The following GRM7 variants were observed in gnomAD, a reference collection of about 807,000 sequenced individuals.
GRM7 encodes glutamate metabotropic receptor 7.
GRM7 carries 35 observed loss-of-function variants against 84.5 expected under a neutral mutation model. The ratio of observed to expected loss-of-function variants is 0.41; its 90% CI spans 0.32 to 0.55. The LOEUF is 0.55. GRM7 is among the 20% of genes least tolerant of loss of function. GRM7 has a pLI of 0.19. For synonymous variants in GRM7, 487 were observed against 455.1 expected (o/e 1.07, Z -0.89); for missense variants, 1,003 against 1,194.6 (o/e 0.84, Z 2.36).
At chr3:7,003,027 G>A (rs369417027) in intron 1 of GRM7, among the ~76,000 whole-genome samples, 1 of 152,132 alleles carries the variant, frequency 6.6e-6, no homozygotes, top group South Asian at 2.1e-4. Context: ...ATATGTTGAA[G>A]CTGAAAAAAG....
chr3:7,315,515 G>C (rs1190125036), intron 4 of GRM7, among the ~76,000 whole-genome samples: 1 of 152,150 alleles, frequency 6.6e-6, no homozygotes, highest in Non-Finnish European at 1.5e-5. Flanking sequence ...ACCCTGAGAA[G>C]TTCTGAGTTA....
In GRM7 at chr3:7,272,990, A is replaced by G. The variant is rs114176503; in HGVS notation, c.737-25694A>G. Reference sequence around the variant, plus strand: ...TTAATACATGCATTAAATGCTGTTAACGTTCCTCTATGGACTGTGTTAGCT... The same window carrying G: ...TTAATACATGCATTAAATGCTGTTAGCGTTCCTCTATGGACTGTGTTAGCT... On this transcript the variant is annotated intron_variant, in intron 2 of 9. Coordinates refer to ENST00000357716, the MANE Select transcript of GRM7 (RefSeq NM_000844.4). 3.7e-3 allele frequency among the ~76,000 whole-genome samples: 561 copies of G among 152,120 alleles called. 4 individuals carry two copies. The highest frequency in any genetic ancestry group is 0.013 in the African/African-American group (547 of 41,504).
chr3:6,909,319 T>C (rs575977651), intron 1 of GRM7, among the ~76,000 whole-genome samples: 1 of 152,282 alleles, frequency 6.6e-6, no homozygotes, highest in South Asian at 2.1e-4. Context: ...ACTGTCCAAC[T>C]CTTTGAAGAT....
chr3:7,415,232 AC>A, intron 5 of GRM7, 69 bp downstream of exon 5: 1 of 1,311,830 alleles, frequency 7.6e-7, no homozygotes, highest in South Asian at 1.3e-5. Context: ...TGCATAGCTG[AC>A]AGAAGGAAGC....
At chr3:7,066,559 A>G (rs1026879013) in intron 1 of GRM7, among the ~76,000 whole-genome samples, 2 of 151,998 alleles carry the variant, frequency 1.3e-5, no homozygotes. Context: ...AAAAAAGTCC[A>G]GGACCAGATG....
chr3:7,298,612 A>T, intron 2 of GRM7, 72 bp from the exon 3 acceptor site: 1 of 1,316,024 alleles, frequency 7.6e-7, no homozygotes, highest in Non-Finnish European at 1.1e-6. Flanking sequence ...TCTCCTCCTC[A>T]TCTACCTTCC....
At chr3:6,904,707 T>G (rs886680167) in intron 1 of GRM7, among the ~76,000 whole-genome samples, 4 of 151,992 alleles carry the variant, frequency 2.6e-5, no homozygotes, top group Non-Finnish European at 4.4e-5. Flanking sequence ...TTAATCATCA[T>G]GACTTCCTTA....
intron 4 of GRM7, among the ~76,000 whole-genome samples, chr3:7,313,864 C>T (rs1039691713): frequency 7.2e-5 from 11 of 152,028 alleles, no homozygotes; most frequent in African/African-American, 2.7e-4. Flanking sequence ...CTCTTACAAT[C>T]ATGAAGTCAG....
chr3:7,500,458 T>C (rs1365710119), intron 7 of GRM7, among the ~76,000 whole-genome samples: 1 of 152,216 alleles, frequency 6.6e-6, no homozygotes, highest in Non-Finnish European at 1.5e-5. Context: ...GGGGGCCAGT[T>C]TCTTCAACTT....
intron 1 of GRM7, among the ~76,000 whole-genome samples, chr3:7,102,102 AG>A (rs1299250430): frequency 6.6e-6 from 1 of 151,770 alleles, no homozygotes; most frequent in Admixed American, 6.6e-5. Context: ...CTAAGAAAAA[AG>A]AAGTTTATTT....
intron 7 of GRM7, among the ~76,000 whole-genome samples, chr3:7,530,541 C>CCAACGGTATAAAAG (rs1364928879): frequency 7.2e-5 from 11 of 152,282 alleles, no homozygotes; most frequent in African/African-American, 2.4e-4. Context: ...AATGGTTGAA[C>CCAACGGTATAAAAG]TGATTTACTC....
At chr3:6,949,288 A>C (rs570078073) in intron 1 of GRM7, among the ~76,000 whole-genome samples, 1 of 152,178 alleles carries the variant, frequency 6.6e-6, no homozygotes, top group African/African-American at 2.4e-5. Flanking sequence ...TTGTCTGTAA[A>C]GTATTTTATT....
At chr3:7,551,556 G>C (rs936452841) in intron 7 of GRM7, among the ~76,000 whole-genome samples, 2 of 151,020 alleles carry the variant, frequency 1.3e-5, no homozygotes, top group African/African-American at 4.9e-5. Context: ...TACAATTCTT[G>C]ACATTTACTT....
At chr3:6,880,330 CT>C (rs1695463023) in intron 1 of GRM7, among the ~76,000 whole-genome samples, 2 of 152,106 alleles carry the variant, frequency 1.3e-5, no homozygotes, top group African/African-American at 2.4e-5. Flanking sequence ...ATACAACCCC[CT>C]AGAGAGCCTC....
Position 7,298,485 on chromosome 3 carries a change from G to A in GRM7, c.737-199G>A, listed in dbSNP as rs34236450. The A allele has an allele frequency of 9.5e-3, 5,167 of 545,628 alleles. 38 individuals are homozygous for A. Among genetic ancestry groups the A allele is most frequent in the Non-Finnish European group, 0.013 (4,068 of 308,228 alleles). 33.8% of individuals were successfully genotyped at this position (545,628 alleles called of 1,614,324 possible). On this transcript the variant is annotated intron_variant, in intron 2 of 9. Coordinates refer to ENST00000357716, the MANE Select transcript of GRM7 (RefSeq NM_000844.4). The stretch of plus-strand genomic sequence containing the variant: ...ACGTGTACTATAAAGAGGATGTCGT[G>A]TAATACCATGGAAAGTGCATTAGGT...
chr3:6,970,793 C>G (rs930282774), intron 1 of GRM7, among the ~76,000 whole-genome samples: 2 of 152,138 alleles, frequency 1.3e-5, no homozygotes, highest in Non-Finnish European at 2.9e-5. Flanking sequence ...TCCTGGCTAA[C>G]ACGGTGAAAC....
chr3:7,215,526 G>C lies in GRM7; in HGVS notation c.736+68858G>C, dbSNP rs557181967. Among the ~76,000 whole-genome samples the C allele has an allele frequency of 3.3e-5, 5 of 151,980 alleles. No individual in the cohort carries two copies. The South Asian group carries it at 1.0e-3, about 32-fold the overall frequency. On this transcript the variant is annotated intron_variant, in intron 2 of 9. Coordinates refer to ENST00000357716, the MANE Select transcript of GRM7 (RefSeq NM_000844.4). ...AAAAATACAAAAAAATTAGCCAGGC[G>C]TGGTGGTGGGCGCCTGTAGTCCCAG...
chr3:7,625,926 G>T (rs1410626770), intron 8 of GRM7, among the ~76,000 whole-genome samples: 1 of 152,142 alleles, frequency 6.6e-6, no homozygotes, highest in Non-Finnish European at 1.5e-5. Flanking sequence ...AAAGGACTCA[G>T]AGTTAAAAGA....
chr3:7,568,589 G>T (rs1694448578), intron 7 of GRM7, among the ~76,000 whole-genome samples: 1 of 152,220 alleles, frequency 6.6e-6, no homozygotes, highest in South Asian at 2.1e-4. Flanking sequence ...CTTGCAGGGA[G>T]GTGTGGAGGG....
Sources: allele counts gnomAD v4.1 joint callset (sites outside exome capture counted in the v4.1 genomes callset), GRCh38; gene constraint gnomAD v4.1.1; transcripts MANE v1.5; gene names NCBI Gene and HGNC (gene_info 2026-07-23, HGNC 2026-07-21).